DCDC2C: variants seen among roughly 807,000 people sequenced by gnomAD.
The protein encoded by DCDC2C is doublecortin domain-containing protein 2C.
Under a neutral mutation model 45.0 loss-of-function variants are expected in DCDC2C, and 44 were observed. The ratio of observed to expected loss-of-function variants is 0.98; its 90% confidence interval spans 0.77 to 1.26. The LOEUF is 1.26. Among genes scored for constraint, DCDC2C ranks in the 50% most tolerant of loss-of-function variants. The pLI is 0.00. For missense variants in DCDC2C, 447 were observed against 468.9 expected, an observed-to-expected ratio of 0.95 and a Z score of 0.43; for synonymous variants, 187 against 178.8, an observed-to-expected ratio of 1.05 and a Z score of -0.37.
intron 4 of DCDC2C, among the ~76,000 whole-genome samples, chr2:3,744,495 C>A (rs867888593): frequency 6.6e-6 from 1 of 152,108 alleles, no homozygotes; most frequent in Non-Finnish European, 1.5e-5. Context: ...TGAGAAGGCG[C>A]AGGGGAGATG....
intron 4 of DCDC2C, among the ~76,000 whole-genome samples, chr2:3,747,649 C>T (rs1250563402): frequency 3.9e-5 from 6 of 152,236 alleles, no homozygotes; most frequent in Non-Finnish European, 4.4e-5. Context: ...TGACCTCGCC[C>T]ATCTCGCAGT....
intron 8 of DCDC2C, among the ~76,000 whole-genome samples, chr2:3,771,131 T>C (rs1303248653): frequency 6.6e-6 from 1 of 152,228 alleles, no homozygotes; most frequent in Non-Finnish European, 1.5e-5. Context: ...AGCTAGGTCA[T>C]CCGTCCTCCC....
intron 5 of DCDC2C, 140 bp from the exon 6 acceptor site, chr2:3,754,452 C>A: frequency 1.4e-6 from 1 of 716,796 alleles, no homozygotes; most frequent in Non-Finnish European, 2.2e-6. Context: ...ATCATTGTTG[C>A]CATGAGCCGT....
intron 3 of DCDC2C, among the ~76,000 whole-genome samples, chr2:3,740,877 A>G (rs1453136784): frequency 2.0e-5 from 3 of 152,138 alleles, no homozygotes; most frequent in Non-Finnish European, 4.4e-5. Context: ...CATTTAAGGA[A>G]GAAGACAAAA....
chr2:3,809,472 G>C (rs1671336129), intron 10 of DCDC2C, among the ~76,000 whole-genome samples: 1 of 152,022 alleles, frequency 6.6e-6, no homozygotes, highest in Non-Finnish European at 1.5e-5. Flanking sequence ...AAATATTTTG[G>C]TTTTGTAGCT....
In DCDC2C at chr2:3,836,432, C is replaced by T. The variant is rs138534765; in HGVS notation, c.1066-10722C>T. Among the ~76,000 whole-genome samples the T allele has an allele frequency of 1.1e-4, 16 of 152,230 alleles. No individual in the cohort carries two copies. The East Asian group carries it at 1.7e-3, about 17-fold the overall frequency. On this transcript the variant is annotated intron_variant, in intron 10 of 10. Coordinates refer to ENST00000399143, the MANE Select transcript of DCDC2C (RefSeq NM_001287444.2). ...ACTGGATCCTGGGGCAGCAAACACA[C>T]GTTAGTTCGGGGGAAATCCAAATAA...
Position 3,727,033 on chromosome 2 carries a change from G to A in DCDC2C, c.370G>A (p.Val124Met), listed in dbSNP as rs752256958. ...IKPVVHCDIN[V>M]PSKWQTYHRI... ...ACCAGTGGTGCATTGTGATATAAAT[G>A]TGCCTTCCAAGTGGCAAACATATCA... is the stretch of plus-strand genomic sequence containing the variant. The change falls in exon 3 of 11, where the codon GTG becomes ATG. Residue 124 changes from valine (V) to methionine (M), a missense_variant. Val to Met is a conservative substitution (Grantham distance 21). Transcript: ENST00000399143. 1.2e-5 allele frequency: 19 copies of A among 1,550,318 alleles called. No individual in the cohort carries two copies. Among genetic ancestry groups the A allele is most frequent in the Non-Finnish European group, 1.6e-5 (18 of 1,146,938 alleles).
At chr2:3,769,622 G>A (rs1048280172) in intron 8 of DCDC2C, among the ~76,000 whole-genome samples, 3 of 152,118 alleles carry the variant, frequency 2.0e-5, no homozygotes, top group Non-Finnish European at 2.9e-5. Context: ...CTGGAGAGAC[G>A]CCTTTTAACA....
intron 10 of DCDC2C, among the ~76,000 whole-genome samples, chr2:3,825,595 GGGAT>G (rs1671795567): frequency 6.6e-6 from 1 of 152,146 alleles, no homozygotes; most frequent in Non-Finnish European, 1.5e-5. Context: ...GTGACCCATG[GGGAT>G]TAGTATGAAA....
At chr2:3,826,105 C>G (rs1374658424) in intron 10 of DCDC2C, among the ~76,000 whole-genome samples, 2 of 152,160 alleles carry the variant, frequency 1.3e-5, no homozygotes, top group Non-Finnish European at 2.9e-5. Flanking sequence ...TGTAATAACC[C>G]AGCCATGGAT....
At chr2:3,766,404 AG>A (rs1670014160) in intron 6 of DCDC2C, among the ~76,000 whole-genome samples, 1 of 152,206 alleles carries the variant, frequency 6.6e-6, no homozygotes, top group Admixed American at 6.5e-5. Context: ...GATGCTGAAA[AG>A]AATCAACCAG....
At chr2:3,819,143 A>G (rs1182706514) in intron 10 of DCDC2C, among the ~76,000 whole-genome samples, 1 of 152,224 alleles carries the variant, frequency 6.6e-6, no homozygotes, top group Non-Finnish European at 1.5e-5. Flanking sequence ...GAAGCTTCCT[A>G]GGTGATCGGA....
intron 1 of DCDC2C, among the ~76,000 whole-genome samples, chr2:3,708,194 G>A (rs1262585470): frequency 6.6e-6 from 1 of 152,128 alleles, no homozygotes; most frequent in African/African-American, 2.4e-5. Flanking sequence ...GCCTGTCATG[G>A]GAACATTGAT....
At chr2:3,828,235 T>C (rs1467821200) in intron 10 of DCDC2C, among the ~76,000 whole-genome samples, 3 of 152,238 alleles carry the variant, frequency 2.0e-5, no homozygotes, top group Admixed American at 2.0e-4. Context: ...ATACAGTGAT[T>C]ACCTGTCTTG....
At chr2:3,726,565 G>T (rs567109339) in intron 2 of DCDC2C, among the ~76,000 whole-genome samples, 1 of 152,284 alleles carries the variant, frequency 6.6e-6, no homozygotes, top group East Asian at 1.9e-4. Flanking sequence ...GGACATTCTG[G>T]TTGGAGTCTT....
chr2:3,790,201 G>C (rs1165933887), intron 10 of DCDC2C, among the ~76,000 whole-genome samples: 1 of 152,200 alleles, frequency 6.6e-6, no homozygotes, highest in African/African-American at 2.4e-5. Context: ...GAATGCCCCA[G>C]ATGAGAGCAG....
rs137994205 is a variant in DCDC2C, at chr2:3,734,658, C to T, written c.417-7262C>T. ...ATAGGCGACCCAGTTGCAAATGAGA[C>T]AGGCAGCCTGGACAAGACTGGTGGT... On this transcript the variant is annotated intron_variant, in intron 3 of 10. Coordinates refer to ENST00000399143, the MANE Select transcript of DCDC2C (RefSeq NM_001287444.2). The surrounding 1 kb of genome is among the most constrained non-coding windows in gnomAD (Gnocchi z 4.2). Among the ~76,000 whole-genome samples, 8 of 152,300 alleles carry T rather than the reference C, an allele frequency of 5.3e-5. No homozygotes were observed. The East Asian group carries it at 1.5e-3, about 29-fold the overall frequency.
At chr2:3,754,669 T>G in intron 6 of DCDC2C, 35 bp downstream of exon 6, 1 of 1,537,732 alleles carries the variant, frequency 6.5e-7, no homozygotes, top group Non-Finnish European at 8.8e-7. Context: ...AGTAACTTGT[T>G]TCTGATTCTG....
At chr2:3,704,188 C>A (rs1276501520) in intron 1 of DCDC2C, 150 bp downstream of exon 1, 3 of 717,282 alleles carry the variant, frequency 4.2e-6, no homozygotes, top group Non-Finnish European at 5.8e-6. Context: ...GCGCAGCCGG[C>A]GTCGGGCCGC....
Sources: gnomAD v4.1 joint callset for allele counts (sites outside exome capture counted in the v4.1 genomes callset) on GRCh38, gnomAD v4.1.1 for gene constraint, Gnocchi (gnomAD v3.1) non-coding constraint, MANE v1.5 for transcripts, NCBI Gene and HGNC (gene_info 2026-07-23, HGNC 2026-07-21) for gene names.